CNTN3: variants seen among roughly 807,000 people sequenced by gnomAD.
The protein encoded by CNTN3 is contactin-3.
Under a neutral mutation model 119.1 loss-of-function variants are expected in CNTN3, and 60 were observed. The observed-to-expected ratio is 0.50, with a 90% CI of 0.41 to 0.62. The LOEUF is 0.62. Ranked by LOEUF, CNTN3 falls within the 20% of genes least tolerant of loss-of-function variation. The pLI, the probability that CNTN3 is intolerant of heterozygous loss-of-function variation, is 0.00. For synonymous variants in CNTN3, 450 were observed against 438.7 expected, an observed-to-expected ratio of 1.03 and a Z score of -0.32; for missense variants, 1,101 against 1,242.4, an observed-to-expected ratio of 0.89 and a Z score of 1.71.
At chr3:74,449,593 G>A (rs1702110219) in intron 4 of CNTN3, among the ~76,000 whole-genome samples, 1 of 152,068 alleles carries the variant, frequency 6.6e-6, no homozygotes, top group Admixed American at 6.6e-5. Flanking sequence ...AAACAGATAA[G>A]TCAGACCAGT....
intron 4 of CNTN3, among the ~76,000 whole-genome samples, chr3:74,425,374 A>G (rs1323989851): frequency 6.6e-6 from 1 of 152,202 alleles, no homozygotes; most frequent in Non-Finnish European, 1.5e-5. Flanking sequence ...AACAATTTTA[A>G]AATCTCTTTC....
intron 13 of CNTN3, among the ~76,000 whole-genome samples, chr3:74,324,400 G>A (rs575313908): frequency 2.6e-4 from 39 of 152,038 alleles, no homozygotes; most frequent in African/African-American, 8.9e-4. Flanking sequence ...TGGTAGAGAC[G>A]GAGTTTTGCC....
intron 1 of CNTN3, among the ~76,000 whole-genome samples, chr3:74,566,170 C>G (rs1045506165): frequency 3.9e-5 from 6 of 152,104 alleles, no homozygotes; most frequent in African/African-American, 1.4e-4. Flanking sequence ...GTTGTCCTGG[C>G]AGGAACGGGT....
At chr3:74,453,022 T>C (rs1702191055) in intron 4 of CNTN3, among the ~76,000 whole-genome samples, 1 of 151,862 alleles carries the variant, frequency 6.6e-6, no homozygotes, top group Admixed American at 6.6e-5. Context: ...AGGATGATGC[T>C]AGCCTCATAA....
intron 2 of CNTN3, 117 bp from the exon 3 acceptor site, chr3:74,499,902 AC>A (rs1327626194): frequency 1.0e-6 from 1 of 956,834 alleles, no homozygotes; most frequent in East Asian, 2.6e-5. Context: ...CCATTTGCAT[AC>A]AAAGCAAAAT....
chr3:74,559,870 C>T (rs1704127915), intron 1 of CNTN3, among the ~76,000 whole-genome samples: 1 of 152,148 alleles, frequency 6.6e-6, no homozygotes, highest in Non-Finnish European at 1.5e-5. Flanking sequence ...GGAGTCAACT[C>T]TCTAATGTGT....
rs1386878304 is a variant in CNTN3, at chr3:74,547,528, A to G, written c.-80-26336T>C. ...TATTTCTACCTGGCAAACAAATGTT[A>G]TCACTTTTTTACTTTTGCTATGACC... On this transcript the variant is annotated intron_variant, in intron 1 of 22. Transcript: ENST00000263665. Among the ~76,000 whole-genome samples, 3 of 152,210 alleles carry G rather than the reference A, an allele frequency of 2.0e-5. No homozygotes were observed. The East Asian group carries it at 5.8e-4, about 29-fold the overall frequency.
chr3:74,512,981 G>C (rs1007753602), intron 2 of CNTN3, among the ~76,000 whole-genome samples: 2 of 152,068 alleles, frequency 1.3e-5, no homozygotes, highest in African/African-American at 4.8e-5. Flanking sequence ...TTGCCATAGA[G>C]TGAAGAAGTC....
intron 1 of CNTN3, among the ~76,000 whole-genome samples, chr3:74,530,671 C>T (rs1703680536): frequency 6.6e-6 from 1 of 151,896 alleles, no homozygotes; most frequent in African/African-American, 2.4e-5. Flanking sequence ...GCGCCAGACA[C>T]ACAGGGGTGA....
At chr3:74,326,938 T>C (rs1013539034) in intron 13 of CNTN3, among the ~76,000 whole-genome samples, 1 of 152,066 alleles carries the variant, frequency 6.6e-6, no homozygotes, top group Non-Finnish European at 1.5e-5. Flanking sequence ...AGAAGTATCT[T>C]TGTGTTCCTA....
Position 74,264,511 on chromosome 3 carries a change from T to C in CNTN3, c.2987-10A>G, listed in dbSNP as rs373987918. ...CCTCTTGCATCCATACCTGTCAAAGTTGATGAAGAGCTCATTAATAAGGAT... is the reference window on the plus strand; with the variant it reads ...CCTCTTGCATCCATACCTGTCAAAGCTGATGAAGAGCTCATTAATAAGGAT... On this transcript the variant is annotated splice_polypyrimidine_tract_variant and intron_variant, in intron 22 of 22. Transcript: ENST00000263665. The C allele has an allele frequency of 1.0e-5, 16 of 1,567,130 alleles. No homozygotes were observed. Among genetic ancestry groups the C allele is most frequent in the East Asian group, 2.2e-5 (1 of 44,556 alleles).
In CNTN3 at chr3:74,370,741, T is replaced by C. The variant is rs114044937; in HGVS notation, c.658+455A>G. ...CTCCCCTTAAACAGCCATCAAGGTG[T>C]TGATGAAACAGATATTTTTCTTTAA... On this transcript the variant is annotated intron_variant, in intron 6 of 22. Transcript: ENST00000263665. Among the ~76,000 whole-genome samples the C allele has an allele frequency of 5.5e-3, 833 of 152,192 alleles. 6 individuals are homozygous for C. Among genetic ancestry groups the C allele is most frequent in the African/African-American group, 0.019 (799 of 41,530 alleles).
chr3:74,335,931 C>T (rs1703383324), intron 12 of CNTN3, among the ~76,000 whole-genome samples: 1 of 152,108 alleles, frequency 6.6e-6, no homozygotes, highest in African/African-American at 2.4e-5. Context: ...CCACTATGCA[C>T]CTCTTTCTTG....
Position 74,264,439 on chromosome 3 carries a change from G to T in CNTN3, c.3049C>A (p.Pro1017Thr). 6.2e-7 allele frequency: 1 copy of T among 1,610,262 alleles called. No homozygotes were observed. Among genetic ancestry groups the T allele is most frequent in the Non-Finnish European group, 8.5e-7 (1 of 1,177,160 alleles). Residue 1017 changes from proline to threonine, a missense_variant, in exon 23 of 23, where the codon CCT becomes ACT. Pro to Thr is a conservative substitution (Grantham distance 38, BLOSUM62 -1). Coordinates refer to ENST00000263665, the MANE Select transcript of CNTN3 (RefSeq NM_020872.3). ...TATACAATTAAGAACAGTACTATAG[G>T]CATATAACTTGACATAGGGTGGACA... ...SNVHPMSSYM[P>T]IVLFLIVYVL...
In CNTN3 at chr3:74,264,427, A is replaced by G; in HGVS notation, c.3061T>C (p.Phe1021Leu). Residue 1021 changes from phenylalanine (F) to leucine (L), a missense_variant, in exon 23 of 23, where the codon TTC (phenylalanine) becomes CTC (leucine). By Grantham distance (22) the Phe-to-Leu change is conservative (BLOSUM62 0). Transcript: ENST00000263665. ...PMSSYMPIVLFLIVYVLW is the reference protein window; with the variant it reads ...PMSSYMPIVLLLIVYVLW ...CACCACAGGACATATACAATTAAGAACAGTACTATAGGCATATAACTTGAC... is the reference window on the plus strand; with the variant it reads ...CACCACAGGACATATACAATTAAGAGCAGTACTATAGGCATATAACTTGAC... The G allele has an allele frequency of 6.2e-7, 1 of 1,604,848 alleles. No individual in the cohort carries two copies. The highest frequency in any genetic ancestry group is 2.2e-5 in the East Asian group (1 of 44,654).
intron 11 of CNTN3, among the ~76,000 whole-genome samples, chr3:74,348,409 C>T (rs1343143361): frequency 6.6e-6 from 1 of 152,148 alleles, no homozygotes; most frequent in Non-Finnish European, 1.5e-5. Flanking sequence ...GCTTGTGACT[C>T]ACTGGTCACC....
chr3:74,369,640 G>GAA (rs74435185), intron 7 of CNTN3, among the ~76,000 whole-genome samples: 15 of 143,178 alleles, frequency 1.0e-4, no homozygotes, highest in African/African-American at 3.5e-4. Context: ...AAATGAACAA[G>GAA]AAAAAAAAAA....
intron 5 of CNTN3, among the ~76,000 whole-genome samples, chr3:74,411,259 G>A (rs1422646625): frequency 6.6e-6 from 1 of 151,974 alleles, no homozygotes; most frequent in East Asian, 1.9e-4. Context: ...ATGAAAATTA[G>A]CGTTTGTACA....
intron 1 of CNTN3, among the ~76,000 whole-genome samples, chr3:74,593,867 C>T (rs368253055): frequency 9.9e-5 from 15 of 152,012 alleles, no homozygotes; most frequent in African/African-American, 3.4e-4. Context: ...AAATATATAT[C>T]TCTTCTCCCA....
Sources: gnomAD v4.1 joint callset for allele counts (sites outside exome capture counted in the v4.1 genomes callset) on GRCh38, gnomAD v4.1.1 for gene constraint, MANE v1.5 for transcripts, NCBI Gene and HGNC (gene_info 2026-07-23, HGNC 2026-07-21) for gene names.